Variants in ATG5 observed in about 807,000 individuals in gnomAD.
ATG5 encodes the protein autophagy protein 5.
A neutral mutation model predicts 36.5 loss-of-function variants in ATG5; 14 were observed. The observed-to-expected ratio is 0.38, with a 90% CI of 0.25 to 0.60. The LOEUF is 0.60. Among genes scored for constraint, ATG5 ranks in the 20% least tolerant of loss-of-function variants. The pLI, the probability that ATG5 is intolerant of heterozygous loss-of-function variation, is 0.60. For synonymous variants in ATG5, 95 were observed against 101.5 expected (o/e 0.94, Z 0.38); for missense variants, 195 against 326.7 (o/e 0.60, Z 3.11).
Position 106,248,085 on chromosome 6 carries a change from G to A in ATG5, c.573+65C>T, listed in dbSNP as rs763631009. The A allele has an allele frequency of 1.1e-5, 14 of 1,238,144 alleles. 1 individual carries two copies. The highest frequency in any genetic ancestry group is 8.9e-5 in the African/African-American group (6 of 67,368). 76.7% of individuals were successfully genotyped at this position (1,238,144 alleles called of 1,614,324 possible). A position where few individuals can be genotyped will look rare whatever the true frequency, so the allele number is the denominator to read the frequency against. On this transcript the variant is annotated intron_variant, in intron 6 of 7. Coordinates refer to ENST00000369076, the MANE Select transcript of ATG5 (RefSeq NM_004849.4). ...TATGCAGACAAAGAGTTCTACACTA[G>A]AGTGCTTCAATTAAGATGTCTGAGG...
rs1407787802 is a variant in ATG5, at chr6:106,248,263, T to C, written c.479-19A>G. The stretch of plus-strand genomic sequence containing the variant: ...AATCTGTCTGTAATGATATAAATTA[T>C]TTGTTATTAAAAATGAACAACATTA... On this transcript the variant is annotated intron_variant, in intron 5 of 7. Transcript: ENST00000369076. The C allele has an allele frequency of 1.3e-6, 2 of 1,547,386 alleles. No individual in the cohort carries two copies. Among genetic ancestry groups the C allele is most frequent in the East Asian group, 4.5e-5 (2 of 44,454 alleles).
chr6:106,207,114 T>C (rs1291952648), intron 6 of ATG5, among the ~76,000 whole-genome samples: 2 of 152,216 alleles, frequency 1.3e-5, no homozygotes, highest in African/African-American at 2.4e-5. Flanking sequence ...ATGATGTAAG[T>C]CACCTTTGAA....
intron 7 of ATG5, among the ~76,000 whole-genome samples, chr6:106,195,808 TAAAAAAA>T (rs35892579): frequency 4.4e-5 from 4 of 91,348 alleles, no homozygotes; most frequent in Non-Finnish European, 8.6e-5. Flanking sequence ...TGCTCCCCTC[TAAAAAAA>T]AAAAAAAAAA....
intron 5 of ATG5, among the ~76,000 whole-genome samples, chr6:106,253,590 T>G (rs1001519536): frequency 6.6e-6 from 1 of 152,146 alleles, no homozygotes; most frequent in South Asian, 2.1e-4. Context: ...TAGACTGCAA[T>G]TACTTCTCTC....
intron 2 of ATG5, among the ~76,000 whole-genome samples, chr6:106,309,536 G>A (rs1254857865): frequency 2.0e-5 from 3 of 152,036 alleles, no homozygotes; most frequent in Admixed American, 2.0e-4. Flanking sequence ...CAGAATATAA[G>A]TTATTCTTTT....
chr6:106,296,495 G>T (rs1256052416), intron 3 of ATG5, among the ~76,000 whole-genome samples: 1 of 152,288 alleles, frequency 6.6e-6, no homozygotes, highest in East Asian at 1.9e-4. Context: ...GTTGCCTAAA[G>T]TATTGAAACA....
intron 6 of ATG5, among the ~76,000 whole-genome samples, chr6:106,241,572 A>G (rs1238364771): frequency 1.3e-5 from 2 of 152,234 alleles, no homozygotes; most frequent in African/African-American, 2.4e-5. Context: ...CAGAATACCC[A>G]GATATTTGTT....
chr6:106,200,697 G>C (rs139036504), intron 7 of ATG5, among the ~76,000 whole-genome samples: 3,739 of 152,160 alleles, frequency 0.025, 64 homozygotes, highest in African/African-American at 0.049. Flanking sequence ...AGCCAGGATG[G>C]TCTCGATCTC....
intron 5 of ATG5, among the ~76,000 whole-genome samples, chr6:106,269,953 G>A (rs1369853384): frequency 2.6e-5 from 4 of 152,196 alleles, no homozygotes; most frequent in Non-Finnish European, 4.4e-5. Context: ...CTGCCAGCAC[G>A]CTGTCACCTC....
chr6:106,213,506 C>A (rs1285435927), intron 6 of ATG5, among the ~76,000 whole-genome samples: 7 of 152,020 alleles, frequency 4.6e-5, no homozygotes, highest in Non-Finnish European at 8.8e-5. Flanking sequence ...TATAGAAGGT[C>A]TTCAAGCTTC....
chr6:106,238,252 T>C (rs1034241537), intron 6 of ATG5, among the ~76,000 whole-genome samples: 13 of 152,068 alleles, frequency 8.5e-5, no homozygotes, highest in Admixed American at 7.2e-4. Flanking sequence ...CTCACCACAA[T>C]CTCCACCTCC....
At chr6:106,243,546 A>G (rs1562232836) in intron 6 of ATG5, among the ~76,000 whole-genome samples, 1 of 147,856 alleles carries the variant, frequency 6.8e-6, no homozygotes, top group African/African-American at 2.5e-5. Context: ...AAAAAAAAAA[A>G]TAGGCTGGGC....
At chr6:106,324,981 T>C (rs1771234052) in intron 1 of ATG5, among the ~76,000 whole-genome samples, 1 of 152,106 alleles carries the variant, frequency 6.6e-6, no homozygotes, top group Non-Finnish European at 1.5e-5. Flanking sequence ...CTCAGAAAAA[T>C]CTAGAACCAA....
intron 5 of ATG5, among the ~76,000 whole-genome samples, chr6:106,269,682 C>G (rs958658850): frequency 6.6e-6 from 1 of 152,222 alleles, no homozygotes; most frequent in African/African-American, 2.4e-5. Flanking sequence ...GCCGGCAGGG[C>G]CGGCCGGCTG....
chr6:106,188,700 C>T (rs982333365), intron 7 of ATG5, among the ~76,000 whole-genome samples: 2 of 152,180 alleles, frequency 1.3e-5, no homozygotes, highest in African/African-American at 2.4e-5. Flanking sequence ...ATCCCCTTAC[C>T]CAAACCCTGA....
chr6:106,198,519 G>T (rs1776290811), intron 7 of ATG5, among the ~76,000 whole-genome samples: 1 of 152,184 alleles, frequency 6.6e-6, no homozygotes, highest in Non-Finnish European at 1.5e-5. Context: ...GCTCACACTT[G>T]TAATGCCAGC....
intron 2 of ATG5, among the ~76,000 whole-genome samples, chr6:106,309,054 T>C (rs765677951): frequency 2.6e-5 from 4 of 152,048 alleles, no homozygotes; most frequent in Non-Finnish European, 4.4e-5. Flanking sequence ...ACAGGAGTGT[T>C]TTGGAAAATC....
rs1366579265 is a variant in ATG5 at position 106,185,904 on chromosome 6, C to T, written c.*636G>A. 2.0e-5 allele frequency: 3 copies of T among 152,644 alleles called. No homozygotes were observed. Among genetic ancestry groups the T allele is most frequent in the Non-Finnish European group, 4.4e-5 (3 of 68,032 alleles). 9.5% of individuals were successfully genotyped at this position (152,644 alleles called of 1,614,324 possible). On this transcript the variant is annotated 3_prime_UTR_variant, in exon 8 of 8. Transcript: ENST00000369076. ...GAGTCAGAAAGTACTTGAAAAGTGACAAAACTGTATGTTATTAAATGACAA... is the reference window on the plus strand; with the variant it reads ...GAGTCAGAAAGTACTTGAAAAGTGATAAAACTGTATGTTATTAAATGACAA...
rs1332695772 is a variant in ATG5, at chr6:106,248,365, TTTC to T, written c.479-124_479-122del. On this transcript the variant is annotated intron_variant, in intron 5 of 7. Transcript: ENST00000369076. Reference sequence around the variant, plus strand: ...GTTTCTGAAAGGACATCACATATATTTTCTTATTTTTATTAAACTTATCTTTCC... The same window carrying T: ...GTTTCTGAAAGGACATCACATATATTTTATTTTTATTAAACTTATCTTTCC... 15 of 586,644 alleles carry T rather than the reference TTTC, an allele frequency of 2.6e-5. No homozygotes were observed. In the Admixed American group the frequency reaches 2.8e-4, roughly 11 times the overall value. The allele number at this position is 586,644 out of a possible 1,614,324, so 36.3% of individuals were successfully genotyped here. A position where few individuals can be genotyped will look rare whatever the true frequency, so the allele number is the denominator to read the frequency against.
Sources: allele counts gnomAD v4.1 joint callset (sites outside exome capture counted in the v4.1 genomes callset), GRCh38; gene constraint gnomAD v4.1.1; transcripts MANE v1.5; gene names NCBI Gene and HGNC (gene_info 2026-07-23, HGNC 2026-07-21).